GIGYF2: variants seen among roughly 807,000 people sequenced by gnomAD.
GIGYF2 encodes the protein GRB10 interacting GYF protein 2, also known as GRB10-interacting GYF protein 2.
In GIGYF2, 25 loss-of-function variants were observed where a neutral mutation model predicts 208.1. That is an observed-to-expected ratio of 0.12 (90% CI 0.09 to 0.17). GIGYF2 has a LOEUF of 0.17. Ranked by LOEUF, GIGYF2 falls within the 10% of genes least tolerant of loss-of-function variation. The pLI is 1.00. For synonymous variants in GIGYF2, 534 were observed against 543.8 expected (o/e 0.98, Z 0.25); for missense variants, 1,302 against 1,579.4 (o/e 0.82, Z 2.98).
chr2:232,831,858 CT>C (rs1701432526), intron 21 of GIGYF2, among the ~76,000 whole-genome samples: 1 of 152,202 alleles, frequency 6.6e-6, no homozygotes, highest in Non-Finnish European at 1.5e-5. Flanking sequence ...GGAAGAATTT[CT>C]TCCTTAGAGG....
chr2:232,856,428 G>A (rs967580780), intron 28 of GIGYF2, among the ~76,000 whole-genome samples: 3 of 152,102 alleles, frequency 2.0e-5, no homozygotes, highest in Admixed American at 1.3e-4. Flanking sequence ...GTTGGCTGAC[G>A]CCTGTAATCC....
In GIGYF2 at chr2:232,832,975, A is replaced by G. The variant is rs1395047277; in HGVS notation, c.2648A>G (p.Lys883Arg). 1 of 1,575,572 alleles carries G rather than the reference A, an allele frequency of 6.3e-7. No individual in the cohort carries two copies. The highest frequency in any genetic ancestry group is 8.6e-7 in the Non-Finnish European group (1 of 1,160,328). ...CTCCGGCATGAGGAAGAAGAACGGA[A>G]GAGAAAGGAGCTGGAGGTCCAGCGG... ...ARLRHEEEER[K>R]RKELEVQRQK... is the part of the protein sequence containing the mutation. The change falls in exon 22 of 29, where the codon AAG becomes AGG. Residue 883 changes from lysine (K) to arginine (R), a missense_variant. Physicochemically the swap from Lys to Arg is conservative, Grantham distance 26. Coordinates refer to ENST00000373563, the MANE Select transcript of GIGYF2 (RefSeq NM_001103146.3).
At chr2:232,814,573 C>CG (rs1553616931) in intron 18 of GIGYF2, among the ~76,000 whole-genome samples, 1 of 133,632 alleles carries the variant, frequency 7.5e-6, no homozygotes, top group Non-Finnish European at 1.7e-5. Flanking sequence ...AAACCCCCCC[C>CG]CCCCAAAAAA....
intron 21 of GIGYF2, among the ~76,000 whole-genome samples, chr2:232,820,442 G>A (rs567259006): frequency 1.3e-5 from 2 of 151,494 alleles, no homozygotes; most frequent in East Asian, 3.9e-4. Flanking sequence ...AGCCTCCCAA[G>A]TAGCTGGGAC....
chr2:232,777,180 A>G (rs1192821738), intron 8 of GIGYF2, among the ~76,000 whole-genome samples: 3 of 152,206 alleles, frequency 2.0e-5, no homozygotes, highest in East Asian at 3.9e-4. Flanking sequence ...TCTGTACCTG[A>G]TACTTTAAAA....
At chr2:232,794,696 T>C in intron 12 of GIGYF2, 52 bp from the exon 13 acceptor site, 1 of 1,390,226 alleles carries the variant, frequency 7.2e-7, no homozygotes, top group African/African-American at 1.4e-5. Flanking sequence ...TAGTTAGCCT[T>C]CACAGAAGTC....
At chr2:232,845,589 A>AT (rs1156959189) in intron 25 of GIGYF2, 143 bp from the exon 26 acceptor site, 3 of 721,856 alleles carry the variant, frequency 4.2e-6, no homozygotes, top group South Asian at 1.6e-5. Context: ...AAATATTTGA[A>AT]TTTTTTTCTT....
At chr2:232,712,411 T>G (rs1696461761) in intron 2 of GIGYF2, among the ~76,000 whole-genome samples, 1 of 152,230 alleles carries the variant, frequency 6.6e-6, no homozygotes. Context: ...AATTAATAGT[T>G]TTTATTCCCT....
chr2:232,724,207 ATTTTT>A (rs1163865821), intron 2 of GIGYF2, among the ~76,000 whole-genome samples: 3 of 114,196 alleles, frequency 2.6e-5, no homozygotes, highest in African/African-American at 7.1e-5. Flanking sequence ...ACACCTGGCT[ATTTTT>A]TTTTTTTTTT....
intron 8 of GIGYF2, among the ~76,000 whole-genome samples, chr2:232,776,251 A>G (rs913268057): frequency 5.3e-5 from 8 of 152,226 alleles, no homozygotes; most frequent in African/African-American, 1.9e-4. Context: ...CCAGTAATAC[A>G]TTCAATATGG....
At chr2:232,797,962 C>G (rs1048229013) in intron 14 of GIGYF2, among the ~76,000 whole-genome samples, 1 of 126,550 alleles carries the variant, frequency 7.9e-6, no homozygotes, top group Non-Finnish European at 1.6e-5. Flanking sequence ...ATCTGTGTGA[C>G]AGAGTGAGAC....
At chr2:232,799,165 C>T (rs1397520110) in intron 14 of GIGYF2, among the ~76,000 whole-genome samples, 48 of 151,838 alleles carry the variant, frequency 3.2e-4, no homozygotes, top group Non-Finnish European at 2.9e-5. Context: ...ATAATATTCC[C>T]CTGTAGGTGT....
intron 28 of GIGYF2, among the ~76,000 whole-genome samples, chr2:232,854,202 A>T (rs1433725910): frequency 1.3e-5 from 2 of 152,186 alleles, no homozygotes; most frequent in Admixed American, 1.3e-4. Flanking sequence ...TTAAAAACAT[A>T]AACATTAGGG....
chr2:232,776,502 G>A lies in GIGYF2; in HGVS notation c.533-10648G>A, dbSNP rs755592443. The A allele has an allele frequency of 1.6e-5, 22 of 1,349,928 alleles. No individual in the cohort carries two copies. Among genetic ancestry groups the A allele is most frequent in the East Asian group, 1.4e-4 (6 of 42,304 alleles). 83.6% of individuals were successfully genotyped at this position (1,349,928 alleles called of 1,614,324 possible). A position where few individuals can be genotyped will look rare whatever the true frequency, so the allele number is the denominator to read the frequency against. ...GGTAGGTCTTAAGGAAATTTACAGA[G>A]TCTGCCTTTTTGATCAGATAATTTT... On this transcript the variant is annotated intron_variant, in intron 8 of 28. Transcript: ENST00000373563.
At chr2:232,810,937 C>T in intron 16 of GIGYF2, 1 of 291,154 alleles carries the variant, frequency 3.4e-6, no homozygotes, top group Non-Finnish European at 6.6e-6. Context: ...TTGGAGTTTA[C>T]CAATTTTTGA....
At chr2:232,817,412 C>G (rs1302878731) in intron 20 of GIGYF2, among the ~76,000 whole-genome samples, 1 of 152,160 alleles carries the variant, frequency 6.6e-6, no homozygotes, top group Non-Finnish European at 1.5e-5. Flanking sequence ...ATAAAATTTA[C>G]CATTTTAAGT....
chr2:232,793,438 A>T lies in GIGYF2; in HGVS notation c.1283-1310A>T, dbSNP rs988571229. Among the ~76,000 whole-genome samples, 6 of 152,208 alleles carry T rather than the reference A, an allele frequency of 3.9e-5. No homozygotes were observed. The South Asian group carries it at 1.2e-3, about 32-fold the overall frequency. On this transcript the variant is annotated intron_variant, in intron 12 of 28. Transcript: ENST00000373563. Reference sequence around the variant, plus strand: ...AAGAGCCAAAGAGGATTATAAGAGGATTATGGTGCCATTCACACGAAAAGA... The same window carrying T: ...AAGAGCCAAAGAGGATTATAAGAGGTTTATGGTGCCATTCACACGAAAAGA...
At chr2:232,830,687 A>G (rs1701401874) in intron 21 of GIGYF2, among the ~76,000 whole-genome samples, 1 of 152,262 alleles carries the variant, frequency 6.6e-6, no homozygotes, top group East Asian at 1.9e-4. Flanking sequence ...GATTCCATTC[A>G]GAATATCGTA....
intron 2 of GIGYF2, chr2:232,724,804 C>G (rs1324664589): frequency 2.0e-5 from 3 of 152,112 alleles, no homozygotes; most frequent in Non-Finnish European, 4.4e-5. Context: ...CCTCCTGCCT[C>G]AGTCTCCTAA....
Sources: allele counts gnomAD v4.1 joint callset (sites outside exome capture counted in the v4.1 genomes callset), GRCh38; gene constraint gnomAD v4.1.1; transcripts MANE v1.5; gene names NCBI Gene and HGNC (gene_info 2026-07-23, HGNC 2026-07-21).